Variants in CASP8 observed in about 807,000 individuals in gnomAD.
The protein encoded by CASP8 is caspase-8.
CASP8 carries 24 observed loss-of-function variants against 46.3 expected under a neutral mutation model. The observed-to-expected ratio is 0.52, with a 90% CI of 0.38 to 0.73. The LOEUF is 0.73. Among genes scored for constraint, CASP8 ranks in the 30% least tolerant of loss-of-function variants. CASP8 has a pLI of 0.00. For missense variants in CASP8, 460 were observed against 559.0 expected, an observed-to-expected ratio of 0.82 and a Z score of 1.79; for synonymous variants, 188 against 200.4, an observed-to-expected ratio of 0.94 and a Z score of 0.52.
rs1178318061 is a variant in CASP8 at position 201,286,650 on chromosome 2, C to G, written c.*56C>G. On this transcript the variant is annotated 3_prime_UTR_variant, in exon 9 of 9. Coordinates refer to ENST00000673742, the MANE Select transcript of CASP8 (RefSeq NM_001372051.1). ...TGTTTTTTTGAGACAGAATCTCGCTCTGTCGCCCAGGCTGGAGTGCAGTGG... is the reference window on the plus strand; with the variant it reads ...TGTTTTTTTGAGACAGAATCTCGCTGTGTCGCCCAGGCTGGAGTGCAGTGG... 4.6e-6 allele frequency: 7 copies of G among 1,506,740 alleles called. No homozygotes were observed. The highest frequency in any genetic ancestry group is 1.8e-5 in the Admixed American group (1 of 56,540). The allele number at this position is 1,506,740 out of a possible 1,614,324, so 93.3% of individuals were successfully genotyped here.
At chr2:201,277,011 C>A (rs1460723270) in intron 7 of CASP8, 43 bp downstream of exon 7, 4 of 1,433,868 alleles carry the variant, frequency 2.8e-6, no homozygotes, top group African/African-American at 1.4e-5. Flanking sequence ...ATTTCTTATG[C>A]CTATTTTTTT....
At chr2:201,250,303 A>G (rs933888166) in intron 2 of CASP8, among the ~76,000 whole-genome samples, 1 of 152,188 alleles carries the variant, frequency 6.6e-6, no homozygotes, top group African/African-American at 2.4e-5. Context: ...AAAATATTCA[A>G]TATGTCATTG....
intron 6 of CASP8, among the ~76,000 whole-genome samples, 199 bp downstream of exon 6, chr2:201,275,152 C>G (rs944326828): frequency 1.3e-4 from 19 of 151,706 alleles, no homozygotes; most frequent in Non-Finnish European, 2.6e-4. Context: ...CTTCAGTTTT[C>G]TATACATTTG....
At chr2:201,260,400 C>A, upstream of CASP8, 1 of 307,020 alleles carries the variant, frequency 3.3e-6, no homozygotes, top group Non-Finnish European at 4.8e-6. Flanking sequence ...CTTTTTCCTG[C>A]AGCTTTAGAA....
chr2:201,283,432 C>T (rs1370935407), intron 7 of CASP8, among the ~76,000 whole-genome samples: 2 of 58,710 alleles, frequency 3.4e-5, no homozygotes, highest in Admixed American at 1.3e-4. Context: ...GGCGGCTGGC[C>T]GGGCGGGGGG....
chr2:201,260,446 G>A (rs1256174854), upstream of CASP8: 4 of 700,018 alleles, frequency 5.7e-6, no homozygotes, highest in Non-Finnish European at 7.0e-6. Context: ...AGGGGCAAGT[G>A]GTAAGCGCTC....
In CASP8 at chr2:201,272,656, A is replaced by G. The variant is rs775983014; in HGVS notation, c.430A>G (p.Ile144Val). 2.5e-6 allele frequency: 4 copies of G among 1,614,018 alleles called. No individual in the cohort carries two copies. The South Asian group carries it at 4.4e-5, about 18-fold the overall frequency. ...DDDMNLLDIF[I>V]EMEKRVILGE... is the part of the protein sequence containing the mutation. ...CTCTTAGAACCTGCTGGATATTTTC[A>G]TAGAGATGGAGAAGAGGGTCATCCT... is the stretch of plus-strand genomic sequence containing the variant. The change falls in exon 4 of 9, where the codon ATA (isoleucine) becomes GTA (valine). Residue 144 changes from isoleucine to valine, a missense_variant. Ile to Val is a conservative substitution (Grantham distance 29, BLOSUM62 3). Coordinates refer to ENST00000673742, the MANE Select transcript of CASP8 (RefSeq NM_001372051.1). This position sits in a 1 kb window ranked among gnomAD's most constrained non-coding sequence, Gnocchi z 4.4.
rs2125486084 is a variant in CASP8, at chr2:201,285,129, G to C, written c.1116G>C (p.Glu372Asp). The C allele has an allele frequency of 6.2e-7, 1 of 1,614,168 alleles. No homozygotes were observed. ...GDNYQKGIPV[E>D]TDSEEQPYLE... is the part of the protein sequence containing the mutation. The stretch of plus-strand genomic sequence containing the variant: ...ACTACCAGAAAGGTATACCTGTTGA[G>C]ACTGATTCAGAGGAGCAACCCTATT... Residue 372 changes from glutamate to aspartate, a missense_variant, in exon 8 of 9, where the codon GAG becomes GAC. Transcript: ENST00000673742.
chr2:201,287,097 A>G lies in CASP8; in HGVS notation c.*503A>G, dbSNP rs1461648373. 1 of 175,212 alleles carries G rather than the reference A, an allele frequency of 5.7e-6. No homozygotes were observed. The highest frequency in any genetic ancestry group is 1.6e-4 in the East Asian group (1 of 6,292). The allele number at this position is 175,212 out of a possible 1,614,324, so 10.9% of individuals were successfully genotyped here. On this transcript the variant is annotated 3_prime_UTR_variant, in exon 9 of 9. Coordinates refer to ENST00000673742, the MANE Select transcript of CASP8 (RefSeq NM_001372051.1). ...GGAATGTTTTTAGCTGGTGGCAATA[A>G]ATACCAGACACGTACAAAATCCAGC...
intron 7 of CASP8, 25 bp from the exon 8 acceptor site, chr2:201,284,791 T>C (rs762351047): frequency 6.3e-7 from 1 of 1,577,950 alleles, no homozygotes; most frequent in South Asian, 1.1e-5. Flanking sequence ...TGGTATAACG[T>C]GACTGTTCAA....
chr2:201,251,879 T>C (rs1368838263), intron 2 of CASP8, among the ~76,000 whole-genome samples: 5 of 151,644 alleles, frequency 3.3e-5, no homozygotes, highest in Non-Finnish European at 5.9e-5. Flanking sequence ...CACTCCAGCC[T>C]GGGAGACAGA....
upstream of CASP8, among the ~76,000 whole-genome samples, chr2:201,259,759 T>C (rs912765487): frequency 1.3e-5 from 2 of 152,106 alleles, no homozygotes; most frequent in African/African-American, 4.8e-5. Flanking sequence ...ATTTGCTTCT[T>C]TGATAAGATG....
intron 2 of CASP8, among the ~76,000 whole-genome samples, chr2:201,250,218 G>T (rs946407952): frequency 1.5e-4 from 23 of 152,340 alleles, no homozygotes; most frequent in Middle Eastern, 3.4e-3. Context: ...TCACCTGAGG[G>T]TCTTATGACC....
chr2:201,272,616 A>G lies in CASP8; in HGVS notation c.412-22A>G. The stretch of plus-strand genomic sequence containing the variant: ...CAGTAGGGCTCAATCCAGATTCCCA[A>G]CTTTATTTCTCCTCCTCTTAGAACC... On this transcript the variant is annotated intron_variant, in intron 3 of 8. Coordinates refer to ENST00000673742, the MANE Select transcript of CASP8 (RefSeq NM_001372051.1). The surrounding 1 kb of genome is among the most constrained non-coding windows in gnomAD (Gnocchi z 4.4). The G allele has an allele frequency of 1.2e-6, 2 of 1,613,918 alleles. No individual in the cohort carries two copies. The highest frequency in any genetic ancestry group is 1.7e-6 in the Non-Finnish European group (2 of 1,179,880).
rs1949599441 is a variant in CASP8 at position 201,287,145 on chromosome 2, T to G, written c.*551T>G. 1 of 162,834 alleles carries G rather than the reference T, an allele frequency of 6.1e-6. No individual in the cohort carries two copies. The highest frequency in any genetic ancestry group is 1.4e-5 in the Non-Finnish European group (1 of 72,920). The allele number at this position is 162,834 out of a possible 1,614,324, so 10.1% of individuals were successfully genotyped here. A position where few individuals can be genotyped will look rare whatever the true frequency, so the allele number is the denominator to read the frequency against. On this transcript the variant is annotated 3_prime_UTR_variant, in exon 9 of 9. Coordinates refer to ENST00000673742, the MANE Select transcript of CASP8 (RefSeq NM_001372051.1). The stretch of plus-strand genomic sequence containing the variant: ...AGCTATGAATATAGAGGGCTTATGA[T>G]TCAGATTGTTATCTATCAACTATAA...
chr2:201,247,951 G>A (rs1480868593), intron 2 of CASP8, among the ~76,000 whole-genome samples: 4 of 151,926 alleles, frequency 2.6e-5, no homozygotes, highest in African/African-American at 9.7e-5. Context: ...GCCAACTTTT[G>A]TATTTTTAGT....
chr2:201,246,835 T>C (rs1229321023), intron 2 of CASP8, among the ~76,000 whole-genome samples: 1 of 152,112 alleles, frequency 6.6e-6, no homozygotes, highest in African/African-American at 2.4e-5. Context: ...TTTTTTGGAA[T>C]TTTGGGGGGC....
Position 201,287,089 on chromosome 2 carries a change from T to C in CASP8, c.*495T>C, listed in dbSNP as rs923068590. 1 of 177,512 alleles carries C rather than the reference T, an allele frequency of 5.6e-6. No individual in the cohort carries two copies. Among genetic ancestry groups the C allele is most frequent in the Non-Finnish European group, 1.2e-5 (1 of 81,300 alleles). 11.0% of individuals were successfully genotyped at this position (177,512 alleles called of 1,614,324 possible). A position where few individuals can be genotyped will look rare whatever the true frequency, so the allele number is the denominator to read the frequency against. On this transcript the variant is annotated 3_prime_UTR_variant, in exon 9 of 9. Coordinates refer to ENST00000673742, the MANE Select transcript of CASP8 (RefSeq NM_001372051.1). Reference sequence around the variant, plus strand: ...AGGCTTTGGGAATGTTTTTAGCTGGTGGCAATAAATACCAGACACGTACAA... The same window carrying C: ...AGGCTTTGGGAATGTTTTTAGCTGGCGGCAATAAATACCAGACACGTACAA...
At chr2:201,254,694 T>G (rs1055027297) in intron 2 of CASP8, among the ~76,000 whole-genome samples, 1 of 152,238 alleles carries the variant, frequency 6.6e-6, no homozygotes, top group Non-Finnish European at 1.5e-5. Context: ...TTTCTTGGCT[T>G]TTTTAGGGAC....
Sources: gnomAD v4.1 joint callset for allele counts (sites outside exome capture counted in the v4.1 genomes callset) on GRCh38, gnomAD v4.1.1 for gene constraint, Gnocchi (gnomAD v3.1) non-coding constraint, MANE v1.5 for transcripts, NCBI Gene and HGNC (gene_info 2026-07-23, HGNC 2026-07-21) for gene names.